GPC3: variants seen among roughly 807,000 people sequenced by gnomAD.
GPC3 encodes the protein glypican-3.
In GPC3, 3 loss-of-function variants were observed where a neutral mutation model predicts 34.4. The observed-to-expected ratio is 0.09, with a 90% CI of 0.04 to 0.23. The LOEUF is 0.23. Ranked by LOEUF, GPC3 falls within the 10% of genes least tolerant of loss-of-function variation. GPC3 has a pLI of 1.00. For synonymous variants in GPC3, 177 were observed against 174.0 expected (o/e 1.02, Z -0.13); for missense variants, 351 against 445.6 (o/e 0.79, Z 1.91).
rs138387704 is a variant in GPC3, at chrX:133,702,496, C to T, written c.1033-2468G>A. ...TCACAGTAACTTGTCTACTTGCAAC[C>T]CACAGCTGTGAAATCTCCCTCCCCA... On this transcript the variant is annotated intron_variant, in intron 3 of 7. Coordinates refer to ENST00000370818, the MANE Select transcript of GPC3 (RefSeq NM_004484.4). Among the ~76,000 whole-genome samples, 636 of 111,143 alleles carry T rather than the reference C, an allele frequency of 5.7e-3. 4 individuals are homozygous for T. Among genetic ancestry groups the T allele is most frequent in the African/African-American group, 0.02 (596 of 30,551 alleles).
At chrX:133,580,044 T>G (rs2069719596) in intron 7 of GPC3, among the ~76,000 whole-genome samples, 1 of 112,403 alleles carries the variant, frequency 8.9e-6, no homozygotes, top group South Asian at 3.7e-4. Context: ...GTGAAAACTT[T>G]AAGGTAGTTG....
intron 6 of GPC3, among the ~76,000 whole-genome samples, chrX:133,644,883 T>C (rs1047636715): frequency 2.3e-4 from 26 of 110,732 alleles, no homozygotes; most frequent in Non-Finnish European, 2.1e-4. Flanking sequence ...CAGGTTCAAG[T>C]GATTCTCGTG....
chrX:133,797,117 GC>G (rs1163902081), intron 2 of GPC3, among the ~76,000 whole-genome samples: 13 of 110,131 alleles, frequency 1.2e-4, no homozygotes, highest in African/African-American at 4.0e-4. Context: ...CAGAACCCTG[GC>G]TCCTGTGGAC....
intron 2 of GPC3, among the ~76,000 whole-genome samples, chrX:133,816,549 T>A (rs911012104): frequency 8.9e-6 from 1 of 111,947 alleles, no homozygotes; most frequent in Non-Finnish European, 1.9e-5. Flanking sequence ...CTGTTCAAAT[T>A]ACATGTATTA....
intron 7 of GPC3, among the ~76,000 whole-genome samples, chrX:133,553,121 C>T (rs757672453): frequency 1.8e-5 from 2 of 110,837 alleles, no homozygotes; most frequent in South Asian, 3.8e-4. Flanking sequence ...CCATTGACAG[C>T]CCTGGTTCCT....
chrX:133,726,107 A>G (rs926483988), intron 3 of GPC3, among the ~76,000 whole-genome samples: 1 of 112,084 alleles, frequency 8.9e-6, no homozygotes, highest in Non-Finnish European at 1.9e-5. Flanking sequence ...AATAAAGGCA[A>G]TCTCTTCATT....
chrX:133,953,094 A>G lies in GPC3; in HGVS notation c.293T>C (p.Met98Thr), dbSNP rs1007159317. 5 of 1,207,241 alleles carry G rather than the reference A, an allele frequency of 4.1e-6. No homozygotes were observed. The African/African-American group carries it at 7.0e-5, about 17-fold the overall frequency. Reference sequence around the variant, plus strand: ...CTGAATAATTAAGAACTTGAGCTCCATACTTGCAGACTGAAGCAGCTGTTC... The same window carrying G: ...CTGAATAATTAAGAACTTGAGCTCCGTACTTGCAGACTGAAGCAGCTGTTC... Reference protein sequence around the residue: ...NMEQLLQSASMELKFLIIQNA... With the variant: ...NMEQLLQSASTELKFLIIQNA... The change falls in exon 2 of 8, where the codon ATG (methionine) becomes ACG (threonine). Residue 98 changes from methionine (M) to threonine (T), a missense_variant. By Grantham distance (81) the Met-to-Thr change is moderately conservative. Transcript: ENST00000370818.
At chrX:133,584,741 G>A (rs1178921795) in intron 7 of GPC3, among the ~76,000 whole-genome samples, 5 of 110,760 alleles carry the variant, frequency 4.5e-5, no homozygotes, top group Non-Finnish European at 1.9e-5. Flanking sequence ...GGCCTCCCAA[G>A]CTGCTGGGAT....
chrX:133,692,381 T>C lies in GPC3; in HGVS notation c.1280A>G (p.Glu427Gly), dbSNP rs2071072569. 1.7e-6 allele frequency: 2 copies of C among 1,211,567 alleles called. No individual in the cohort carries two copies. Among genetic ancestry groups the C allele is most frequent in the Non-Finnish European group, 2.2e-6 (2 of 894,820 alleles). ...CAAAAAAGATCACCTCTCCACGAGT[T>C]CTTGTCCATTCCAGCAAAGGGTGTC... ...ENDTLCWNGQ[E>G]LVERYSQKAA... is the part of the protein sequence containing the mutation. The change falls in exon 5 of 8, where the codon GAA (glutamate) becomes GGA (glycine). Residue 427 changes from glutamate to glycine, a missense_variant. Coordinates refer to ENST00000370818, the MANE Select transcript of GPC3 (RefSeq NM_004484.4).
chrX:133,535,986 T>G lies in GPC3; in HGVS notation c.*138A>C. ...GATTTTCGAAAACATAACACATGGTTAGTCCTCTACTTCATGGCTGGAGGA... is the reference window on the plus strand; with the variant it reads ...GATTTTCGAAAACATAACACATGGTGAGTCCTCTACTTCATGGCTGGAGGA... On this transcript the variant is annotated 3_prime_UTR_variant, in exon 8 of 8. Coordinates refer to ENST00000370818, the MANE Select transcript of GPC3 (RefSeq NM_004484.4). 2.1e-6 allele frequency: 1 copy of G among 478,006 alleles called. No individual in the cohort carries two copies. Among genetic ancestry groups the G allele is most frequent in the Non-Finnish European group, 3.6e-6 (1 of 277,944 alleles). The allele number at this position is 478,006 out of a possible 1,213,427, so 39.4% of individuals were successfully genotyped here. A position where few individuals can be genotyped will look rare whatever the true frequency, so the allele number is the denominator to read the frequency against.
intron 2 of GPC3, among the ~76,000 whole-genome samples, chrX:133,826,845 T>C (rs1205732381): frequency 1.8e-5 from 2 of 111,775 alleles, no homozygotes; most frequent in Non-Finnish European, 3.8e-5. Context: ...TAACAGCTGA[T>C]TTCTTATCAG....
intron 2 of GPC3, among the ~76,000 whole-genome samples, chrX:133,810,935 G>A (rs1004492701): frequency 9.1e-6 from 1 of 109,544 alleles, no homozygotes; most frequent in Non-Finnish European, 1.9e-5. Flanking sequence ...GGCATTACTG[G>A]TTCAGTCTCC....
At chrX:133,757,717 C>A (rs749196747) in intron 2 of GPC3, among the ~76,000 whole-genome samples, 24 of 110,646 alleles carry the variant, frequency 2.2e-4, no homozygotes, top group Non-Finnish European at 4.5e-4. Flanking sequence ...GTAAGAATGG[C>A]AAATACTTAA....
At chrX:133,592,781 T>C (rs893055503) in intron 7 of GPC3, among the ~76,000 whole-genome samples, 10 of 111,130 alleles carry the variant, frequency 9.0e-5, no homozygotes, top group Non-Finnish European at 1.5e-4. Flanking sequence ...TTATAAATGT[T>C]CCCCCTCGAT....
At chrX:133,750,147 G>T (rs2071651149) in intron 3 of GPC3, among the ~76,000 whole-genome samples, 1 of 111,902 alleles carries the variant, frequency 8.9e-6, no homozygotes, top group South Asian at 3.8e-4. Flanking sequence ...AAACAGAAAG[G>T]GCCTGCATCA....
At chrX:133,855,901 C>T (rs1040594645) in intron 2 of GPC3, among the ~76,000 whole-genome samples, 7 of 111,506 alleles carry the variant, frequency 6.3e-5, no homozygotes, top group Non-Finnish European at 1.3e-4. Context: ...GCTTATTGCA[C>T]TCCGTGTAAT....
chrX:133,613,573 A>G (rs1199377552), intron 6 of GPC3, among the ~76,000 whole-genome samples: 1 of 112,398 alleles, frequency 8.9e-6, no homozygotes, highest in African/African-American at 3.2e-5. Flanking sequence ...AAATGTAATA[A>G]ACTTAAATAA....
intron 2 of GPC3, among the ~76,000 whole-genome samples, chrX:133,857,022 T>C (rs1215078532): frequency 9.2e-6 from 1 of 108,710 alleles, no homozygotes; most frequent in Non-Finnish European, 1.9e-5. Context: ...CAGCAAGTGG[T>C]AATGGGTATT....
chrX:133,897,058 A>T (rs753179500), intron 2 of GPC3, among the ~76,000 whole-genome samples: 1 of 108,061 alleles, frequency 9.3e-6, no homozygotes, highest in South Asian at 4.2e-4. Context: ...AGGCGCCCAC[A>T]ACCACGCCCA....
Sources: allele counts gnomAD v4.1 joint callset (sites outside exome capture counted in the v4.1 genomes callset), GRCh38; gene constraint gnomAD v4.1.1; transcripts MANE v1.5; gene names NCBI Gene and HGNC (gene_info 2026-07-23, HGNC 2026-07-21).